The following KCNIP1 variants were observed in gnomAD, a reference collection of about 807,000 sequenced individuals.
KCNIP1 encodes the protein potassium voltage-gated channel interacting protein 1.
A neutral mutation model predicts 33.0 loss-of-function variants in KCNIP1; 18 were observed. That is an observed-to-expected ratio of 0.55 (90% CI 0.38 to 0.81). The LOEUF (loss-of-function observed/expected upper bound fraction) is 0.81. KCNIP1 is among the 30% of genes least tolerant of loss of function. The pLI is 0.00. For synonymous variants in KCNIP1, 93 were observed against 98.3 expected (o/e 0.95, Z 0.32); for missense variants, 238 against 271.6 (o/e 0.88, Z 0.87).
At chr5:170,470,752 G>A (rs1016039512) in intron 1 of KCNIP1, among the ~76,000 whole-genome samples, 1 of 152,232 alleles carries the variant, frequency 6.6e-6, no homozygotes, top group South Asian at 2.1e-4. Context: ...TTTCAGTGTT[G>A]TGATGGGTTA....
At chr5:170,727,468 T>C (rs915396334) in intron 5 of KCNIP1, among the ~76,000 whole-genome samples, 1 of 152,210 alleles carries the variant, frequency 6.6e-6, no homozygotes, top group Non-Finnish European at 1.5e-5. Flanking sequence ...TATGCTCCAA[T>C]AAATTTGATT....
chr5:170,729,204 G>A (rs911060404), intron 5 of KCNIP1, among the ~76,000 whole-genome samples: 1 of 151,952 alleles, frequency 6.6e-6, no homozygotes, highest in South Asian at 2.1e-4. Flanking sequence ...AATGGAAAAA[G>A]CATAAAATCA....
Position 170,493,027 on chromosome 5 carries a change from C to T in KCNIP1, c.88+139063C>T, listed in dbSNP as rs189780852. On this transcript the variant is annotated intron_variant, in intron 1 of 7. Coordinates refer to the KCNIP1 transcript ENST00000377360. ...CCTCCCAAAGTGCTGGGATTACAGG[C>T]GTAAGCCACCTCCCCCGGCCCCTTT... Among the ~76,000 whole-genome samples, 12 of 152,314 alleles carry T rather than the reference C, an allele frequency of 7.9e-5. No homozygotes were observed. In the East Asian group the frequency reaches 2.1e-3, roughly 27 times the overall value.
At chr5:170,445,188 T>C (rs915037213) in intron 1 of KCNIP1, among the ~76,000 whole-genome samples, 8 of 152,318 alleles carry the variant, frequency 5.3e-5, no homozygotes, top group African/African-American at 1.9e-4. Flanking sequence ...CAGGGTTTTA[T>C]AATCACATGA....
intron 1 of KCNIP1, among the ~76,000 whole-genome samples, chr5:170,389,108 G>A (rs966075689): frequency 9.9e-5 from 15 of 152,124 alleles, no homozygotes; most frequent in African/African-American, 2.7e-4. Context: ...ACCAGACCAC[G>A]GGCCCTCCAT....
intron 5 of KCNIP1, among the ~76,000 whole-genome samples, chr5:170,725,781 T>C (rs1354876675): frequency 2.0e-5 from 3 of 152,146 alleles, no homozygotes; most frequent in Non-Finnish European, 2.9e-5. Context: ...CCCATAAATA[T>C]ATACACCTAC....
At chr5:170,481,824 A>T (rs370611775) in intron 1 of KCNIP1, among the ~76,000 whole-genome samples, 55 of 152,280 alleles carry the variant, frequency 3.6e-4, no homozygotes, top group African/African-American at 1.3e-3. Context: ...ATCGCTCTTT[A>T]TAGTTTATTT....
chr5:170,674,159 GGAAGGAAGGAAGGAAGGAAGGA>G lies in KCNIP1; in HGVS notation c.62-44598_62-44577del, dbSNP rs1321292015. Among the ~76,000 whole-genome samples, 7 of 84,252 alleles carry G rather than the reference GGAAGGAAGGAAGGAAGGAAGGA, an allele frequency of 8.3e-5. 1 individual carries two copies. The highest frequency in any genetic ancestry group is 3.9e-4 in the African/African-American group (7 of 17,910). 55.3% of individuals were successfully genotyped at this position (84,252 alleles called of 152,430 possible). A position where few individuals can be genotyped will look rare whatever the true frequency, so the allele number is the denominator to read the frequency against. On this transcript the variant is annotated intron_variant, in intron 1 of 7. Coordinates refer to ENST00000328939, the MANE Select transcript of KCNIP1 (RefSeq NM_014592.4). ...AGGAAGGAAGGAAGGAAGGAAGGAA[GGAAGGAAGGAAGGAAGGAAGGA>G]AGGGAGGGAGGGAGGGAGGGAGGGA...
chr5:170,661,414 G>A (rs1352232593), intron 1 of KCNIP1, among the ~76,000 whole-genome samples: 1 of 152,202 alleles, frequency 6.6e-6, no homozygotes, highest in African/African-American at 2.4e-5. Flanking sequence ...AAATGAGGGG[G>A]TGATATTAGA....
chr5:170,584,390 G>A (rs903358063), intron 1 of KCNIP1, among the ~76,000 whole-genome samples: 7 of 152,170 alleles, frequency 4.6e-5, no homozygotes, highest in East Asian at 1.9e-4. Context: ...ATGGTGTGTC[G>A]GGAGGCCAGG....
chr5:170,386,561 T>C (rs1417908246), intron 1 of KCNIP1, among the ~76,000 whole-genome samples: 16 of 152,134 alleles, frequency 1.1e-4, no homozygotes, highest in Non-Finnish European at 7.3e-5. Context: ...ACTTGGAGTA[T>C]TTCTGCCCAG....
chr5:170,594,503 C>T (rs1758373255), intron 1 of KCNIP1, among the ~76,000 whole-genome samples: 1 of 151,974 alleles, frequency 6.6e-6, no homozygotes, highest in South Asian at 2.1e-4. Flanking sequence ...ACTCTAACTA[C>T]AGTTTCTTTT....
intron 1 of KCNIP1, among the ~76,000 whole-genome samples, chr5:170,498,544 C>T (rs1757353751): frequency 6.6e-6 from 1 of 152,168 alleles, no homozygotes; most frequent in East Asian, 1.9e-4. Context: ...AGCCTGAATG[C>T]AATTTGCAAT....
intron 1 of KCNIP1, among the ~76,000 whole-genome samples, chr5:170,519,539 A>G (rs1755275739): frequency 6.6e-6 from 1 of 152,156 alleles, no homozygotes; most frequent in South Asian, 2.1e-4. Context: ...AGTAATATTG[A>G]CCACATTGGC....
intron 1 of KCNIP1, among the ~76,000 whole-genome samples, chr5:170,618,201 G>A (rs889939171): frequency 5.9e-5 from 9 of 152,014 alleles, no homozygotes; most frequent in African/African-American, 1.7e-4. Flanking sequence ...TGGTTTAAAT[G>A]CTGCCTGATT....
intron 1 of KCNIP1, among the ~76,000 whole-genome samples, chr5:170,687,724 C>T (rs141378725): frequency 3.3e-5 from 5 of 152,290 alleles, no homozygotes; most frequent in African/African-American, 9.6e-5. Context: ...AGGTTTGAAC[C>T]CCAACACTGT....
intron 5 of KCNIP1, among the ~76,000 whole-genome samples, chr5:170,725,202 A>G (rs564624608): frequency 1.3e-5 from 2 of 152,366 alleles, no homozygotes; most frequent in East Asian, 1.9e-4. Context: ...GGAAACCAGT[A>G]TATCAAAGAG....
At chr5:170,429,530 T>C (rs1035028865) in intron 1 of KCNIP1, among the ~76,000 whole-genome samples, 5 of 152,174 alleles carry the variant, frequency 3.3e-5, no homozygotes, top group African/African-American at 1.2e-4. Flanking sequence ...GATTTTGTAG[T>C]AGTGAAGTCA....
chr5:170,456,002 A>T (rs1278507787), intron 1 of KCNIP1, among the ~76,000 whole-genome samples: 1 of 152,214 alleles, frequency 6.6e-6, no homozygotes, highest in Non-Finnish European at 1.5e-5. Context: ...ATAAAGACAC[A>T]TGCATACATA....
Sources: allele counts gnomAD v4.1 joint callset (sites outside exome capture counted in the v4.1 genomes callset), GRCh38; gene constraint gnomAD v4.1.1; transcripts MANE v1.5; gene names NCBI Gene and HGNC (gene_info 2026-07-23, HGNC 2026-07-21).